The following PLEKHA1 variants were observed in gnomAD, a reference collection of about 807,000 sequenced individuals.
The protein encoded by PLEKHA1 is pleckstrin homology domain-containing family A member 1.
Under a neutral mutation model 52.0 loss-of-function variants are expected in PLEKHA1, and 34 were observed. That is an observed-to-expected ratio of 0.65 (90% CI 0.50 to 0.87). The LOEUF (loss-of-function observed/expected upper bound fraction) is 0.87, where lower values mean the gene tolerates loss of function less well. PLEKHA1 is among the 40% of genes least tolerant of loss of function. The pLI, the probability that PLEKHA1 is intolerant of heterozygous loss-of-function variation, is 0.00. For synonymous variants in PLEKHA1, 163 were observed against 170.7 expected, an observed-to-expected ratio of 0.95 and a Z score of 0.35; for missense variants, 497 against 504.2, an observed-to-expected ratio of 0.99 and a Z score of 0.14.
chr10:122,428,236 T>C (rs768161012), intron 11 of PLEKHA1: 2 of 1,489,692 alleles, frequency 1.3e-6, no homozygotes, highest in Non-Finnish European at 1.8e-6. Context: ...CTCTACCCAG[T>C]ATAGGTTAAC....
intron 1 of PLEKHA1, among the ~76,000 whole-genome samples, chr10:122,379,545 A>G (rs373979208): frequency 2.0e-4 from 31 of 152,278 alleles, no homozygotes; most frequent in Non-Finnish European, 2.6e-4. Context: ...GGCCCCTGCC[A>G]CTGTTTTGGT....
rs200164610 is a variant in PLEKHA1 at position 122,429,747 on chromosome 10, C to T, written c.1024C>T (p.Arg342Ter). 6.8e-6 allele frequency: 11 copies of T among 1,614,130 alleles called. No individual in the cohort carries two copies. Among genetic ancestry groups the T allele is most frequent in the East Asian group, 4.5e-5 (2 of 44,882 alleles). ...SLVSTFTMEKRGFYESLAKVK... is the reference protein window; with the variant it reads ...SLVSTFTMEK ...GGTCTCAACCTTTACCATGGAGAAGCGAGGATTTTACGAGTCTCTTGCCAA... is the reference window on the plus strand; with the variant it reads ...GGTCTCAACCTTTACCATGGAGAAGTGAGGATTTTACGAGTCTCTTGCCAA... The change falls in exon 12 of 12, where the codon CGA becomes TGA. Residue 342 changes from arginine (R) to a stop codon, truncating the protein, a stop_gained. Coordinates refer to ENST00000368990, the MANE Select transcript of PLEKHA1 (RefSeq NM_001001974.4). LOFTEE classifies it high-confidence loss of function.
intron 8 of PLEKHA1, chr10:122,419,889 C>G (rs1365412650): frequency 2.0e-5 from 3 of 152,166 alleles, no homozygotes; most frequent in African/African-American, 7.2e-5. Flanking sequence ...TGTAATAGTT[C>G]TTGTTTCAGC....
At chr10:122,375,635 T>G (rs1166246976) in intron 1 of PLEKHA1, among the ~76,000 whole-genome samples, 3 of 152,186 alleles carry the variant, frequency 2.0e-5, no homozygotes, top group Non-Finnish European at 2.9e-5. Flanking sequence ...TCCTGTTGCT[T>G]ATAGTGTTTA....
At chr10:122,435,944 A>G (rs557439266), downstream of PLEKHA1, 1 of 152,064 alleles carries the variant, frequency 6.6e-6, no homozygotes, top group Non-Finnish European at 1.5e-5. Flanking sequence ...GTTTCCCCCC[A>G]ACAGCATCTT....
chr10:122,430,681 T>C lies in PLEKHA1; in HGVS notation c.*743T>C, dbSNP rs1035970248. The C allele has an allele frequency of 2.6e-5, 4 of 152,254 alleles. No homozygotes were observed. Among genetic ancestry groups the C allele is most frequent in the African/African-American group, 9.6e-5 (4 of 41,464 alleles). 9.4% of individuals were successfully genotyped at this position (152,254 alleles called of 1,614,324 possible). ...TTTGGTAGGAAATTTTTGGGAGATCTGATTTTCTTATCCAAGTTTTGTAAA... is the reference window on the plus strand; with the variant it reads ...TTTGGTAGGAAATTTTTGGGAGATCCGATTTTCTTATCCAAGTTTTGTAAA... On this transcript the variant is annotated 3_prime_UTR_variant, in exon 12 of 12. Transcript: ENST00000368990.
At chr10:122,415,749 C>T (rs976571395) in intron 6 of PLEKHA1, 110 bp from the exon 7 acceptor site, 3 of 1,038,444 alleles carry the variant, frequency 2.9e-6, no homozygotes, top group East Asian at 5.3e-5. Flanking sequence ...CTTCAAAAAT[C>T]TGTTTCTGAC....
In PLEKHA1 at chr10:122,412,993, T is replaced by C. The variant is rs1272011871; in HGVS notation, c.416T>C (p.Val139Ala). The change falls in exon 6 of 12, where the codon GTG (valine) becomes GCG (alanine). Residue 139 changes from valine (V) to alanine (A), a missense_variant. Coordinates refer to ENST00000368990, the MANE Select transcript of PLEKHA1 (RefSeq NM_001001974.4). ...CATGGTGAATGTGGGAAAAAGCAAG[T>C]GTCTTACAGAACTGATATTGTTGGT... ...SRHGECGKKQ[V>A]SYRTDIVGGV... 6 of 1,613,596 alleles carry C rather than the reference T, an allele frequency of 3.7e-6. No individual in the cohort carries two copies. The highest frequency in any genetic ancestry group is 1.1e-5 in the South Asian group (1 of 91,046).
Position 122,411,028 on chromosome 10 carries a change from C to T in PLEKHA1, c.343-1892C>T, listed in dbSNP as rs184686914. Reference sequence around the variant, plus strand: ...TAGAAAATATAATGGGCTTCCCTAGCAAATCATTCCAGGGTATACTATCCT... The same window carrying T: ...TAGAAAATATAATGGGCTTCCCTAGTAAATCATTCCAGGGTATACTATCCT... On this transcript the variant is annotated intron_variant, in intron 5 of 11. Coordinates refer to ENST00000368990, the MANE Select transcript of PLEKHA1 (RefSeq NM_001001974.4). Among the ~76,000 whole-genome samples, 234 of 152,286 alleles carry T rather than the reference C, an allele frequency of 1.5e-3. 1 individual carries two copies. Among genetic ancestry groups the T allele is most frequent in the African/African-American group, 5.0e-3 (206 of 41,556 alleles).
At chr10:122,425,990 C>T (rs753229182) in intron 10 of PLEKHA1, among the ~76,000 whole-genome samples, 35 of 152,056 alleles carry the variant, frequency 2.3e-4, no homozygotes, top group Non-Finnish European at 4.9e-4. Context: ...TAAAAATTAT[C>T]TGAAAACCTT....
chr10:122,400,610 C>T (rs7905479), intron 4 of PLEKHA1, among the ~76,000 whole-genome samples: 17,418 of 152,214 alleles, frequency 0.11, 1,343 homozygotes, highest in Non-Finnish European at 0.17. Flanking sequence ...ACAAACATCT[C>T]CTTCTACCCA....
At chr10:122,382,875 A>T (rs2096634125) in intron 1 of PLEKHA1, among the ~76,000 whole-genome samples, 1 of 152,322 alleles carries the variant, frequency 6.6e-6, no homozygotes, top group Middle Eastern at 3.4e-3. Flanking sequence ...TATACCTAAA[A>T]TGTTTCACAT....
chr10:122,434,051 A>G (rs1266934324), downstream of PLEKHA1: 1 of 152,126 alleles, frequency 6.6e-6, no homozygotes, highest in Non-Finnish European at 1.5e-5. Flanking sequence ...CTGGGTAACA[A>G]TTTCAGTCAT....
At chr10:122,394,068 A>ATTT (rs2096813694) in intron 2 of PLEKHA1, among the ~76,000 whole-genome samples, 14 of 94,920 alleles carry the variant, frequency 1.5e-4, no homozygotes, top group Non-Finnish European at 2.2e-4. Context: ...AACTTTCTCT[A>ATTT]CTTTTTTTTT....
chr10:122,400,252 G>T, intron 3 of PLEKHA1, 91 bp from the exon 4 acceptor site: 1 of 925,022 alleles, frequency 1.1e-6, no homozygotes, highest in South Asian at 2.2e-5. Context: ...GATTATTGGG[G>T]AATCATACAT....
At chr10:122,410,737 G>A (rs1164437535) in intron 5 of PLEKHA1, among the ~76,000 whole-genome samples, 2 of 152,114 alleles carry the variant, frequency 1.3e-5, no homozygotes, top group African/African-American at 4.8e-5. Context: ...AAGAAAAATG[G>A]AAAAACCAAT....
At chr10:122,377,863 G>C (rs1276823652) in intron 1 of PLEKHA1, among the ~76,000 whole-genome samples, 1 of 152,116 alleles carries the variant, frequency 6.6e-6, no homozygotes, top group African/African-American at 2.4e-5. Context: ...AGGAAGATAG[G>C]GTTTTTGGGA....
intron 4 of PLEKHA1, among the ~76,000 whole-genome samples, chr10:122,400,972 A>G (rs2096919526): frequency 4.6e-5 from 7 of 152,234 alleles, no homozygotes; most frequent in Admixed American, 3.9e-4. Flanking sequence ...TATGCAGTCT[A>G]TTAAAGCACA....
At position 122,429,201 on chromosome 10, in the gene PLEKHA1, C is replaced by T. The variant is rs180897711; in HGVS notation, c.901-423C>T. On this transcript the variant is annotated intron_variant, in intron 11 of 11. Coordinates refer to ENST00000368990, the MANE Select transcript of PLEKHA1 (RefSeq NM_001001974.4). ...AGTCTATATTTTAATTTTTTTCATT[C>T]TAAAATATGTGGGATAATTCCTAGT... 5.0e-3 allele frequency among the ~76,000 whole-genome samples: 755 copies of T among 152,044 alleles called. 4 individuals are homozygous for T. The highest frequency in any genetic ancestry group is 0.018 in the African/African-American group (727 of 41,472).
Sources: allele counts gnomAD v4.1 joint callset (sites outside exome capture counted in the v4.1 genomes callset), GRCh38; gene constraint gnomAD v4.1.1; transcripts MANE v1.5; gene names NCBI Gene and HGNC (gene_info 2026-07-23, HGNC 2026-07-21).